Variants in PTPRN2 observed in about 807,000 individuals in gnomAD.
PTPRN2 encodes the protein receptor-type tyrosine-protein phosphatase N2.
A neutral mutation model predicts 118.8 loss-of-function variants in PTPRN2; 74 were observed. The observed-to-expected ratio is 0.62, with a 90% CI of 0.52 to 0.76. PTPRN2 has a LOEUF of 0.76. Ranked by LOEUF, PTPRN2 falls within the 30% of genes least tolerant of loss-of-function variation. The pLI is 0.00. For synonymous variants in PTPRN2, 641 were observed against 608.0 expected, an observed-to-expected ratio of 1.05 and a Z score of -0.80; for missense variants, 1,481 against 1,394.4, an observed-to-expected ratio of 1.06 and a Z score of -0.99.
intron 6 of PTPRN2, among the ~76,000 whole-genome samples, chr7:158,147,662 G>A (rs1820286228): frequency 1.7e-5 from 2 of 115,990 alleles, no homozygotes; most frequent in African/African-American, 6.8e-5. Context: ...CATGCCACGT[G>A]TCTTTCCCCC....
chr7:158,532,645 C>A (rs1477802141), intron 1 of PTPRN2: 3 of 485,658 alleles, frequency 6.2e-6, no homozygotes, highest in South Asian at 1.5e-5. Flanking sequence ...TTCAAAAACC[C>A]GGGACATGAT....
At chr7:158,289,780 G>T (rs771164720) in intron 3 of PTPRN2, among the ~76,000 whole-genome samples, 3 of 152,166 alleles carry the variant, frequency 2.0e-5, no homozygotes, top group African/African-American at 4.8e-5. Context: ...CACATTTTGG[G>T]AAGTAGGGAC....
intron 12 of PTPRN2, among the ~76,000 whole-genome samples, chr7:157,771,643 G>A (rs1802809911): frequency 6.6e-6 from 1 of 152,104 alleles, no homozygotes; most frequent in Non-Finnish European, 1.5e-5. Flanking sequence ...GCAAAGGGCA[G>A]TGCACACACA....
chr7:157,846,681 G>A lies in PTPRN2; in HGVS notation c.1788+51992C>T, dbSNP rs187798177. On this transcript the variant is annotated intron_variant, in intron 12 of 22. Transcript: ENST00000389418. Reference sequence around the variant, plus strand: ...TCTCGCTCCATCATGCGTGCCCGATGTCTACAGAGCCCTCTCTCACTCCAT... The same window carrying A: ...TCTCGCTCCATCATGCGTGCCCGATATCTACAGAGCCCTCTCTCACTCCAT... 1.6e-3 allele frequency among the ~76,000 whole-genome samples: 247 copies of A among 150,796 alleles called. 3 individuals are homozygous for A. Among genetic ancestry groups the A allele is most frequent in the African/African-American group, 5.6e-3 (230 of 40,914 alleles).
chr7:157,787,214 C>T lies in PTPRN2; in HGVS notation c.1789-104277G>A, dbSNP rs1256968681. On this transcript the variant is annotated intron_variant, in intron 12 of 22. Coordinates refer to ENST00000389418, the MANE Select transcript of PTPRN2 (RefSeq NM_002847.5). The surrounding 1 kb of genome is among the most constrained non-coding windows in gnomAD (Gnocchi z 5.3). Reference sequence around the variant, plus strand: ...GGGACTGGCTCTTCTGGAAGCAATTCGTGGGAAACCCACTTGGATGCCACT... The same window carrying T: ...GGGACTGGCTCTTCTGGAAGCAATTTGTGGGAAACCCACTTGGATGCCACT... 8.6e-5 allele frequency among the ~76,000 whole-genome samples: 13 copies of T among 151,808 alleles called. No individual in the cohort carries two copies. The highest frequency in any genetic ancestry group is 7.4e-5 in the Non-Finnish European group (5 of 67,758).
chr7:158,245,863 G>GC, intron 3 of PTPRN2, among the ~76,000 whole-genome samples: 4 of 152,022 alleles, frequency 2.6e-5, no homozygotes, highest in Admixed American at 2.6e-4. Flanking sequence ...TCCCTATGCT[G>GC]ACTCACAGGC....
chr7:157,542,753 G>C (rs1480977138), intron 22 of PTPRN2, among the ~76,000 whole-genome samples: 1 of 152,184 alleles, frequency 6.6e-6, no homozygotes, highest in Non-Finnish European at 1.5e-5. Context: ...GCACTGTTTA[G>C]CTCAAAGGAG....
intron 14 of PTPRN2, among the ~76,000 whole-genome samples, chr7:157,654,931 G>A (rs984364061): frequency 6.6e-6 from 1 of 152,188 alleles, no homozygotes; most frequent in East Asian, 1.9e-4. Flanking sequence ...TCACAAATAT[G>A]AACTCCTGGT....
intron 12 of PTPRN2, among the ~76,000 whole-genome samples, chr7:157,694,769 C>CTT (rs71303916): frequency 1.3e-4 from 19 of 147,102 alleles, no homozygotes; most frequent in Non-Finnish European, 2.7e-4. Context: ...TTTCTTTTTT[C>CTT]TTTTTTTTTT....
chr7:158,071,456 T>TGCTCGTGGTGGAGGTGCTCCTGGTGGTG (rs1585337803), intron 11 of PTPRN2, among the ~76,000 whole-genome samples: 1 of 20,184 alleles, frequency 5.0e-5, no homozygotes, highest in African/African-American at 1.6e-4. Flanking sequence ...TGCTCGTGGT[T>TGCTCGTGGTGGAGGTGCTCCTGGTGGTG]GAGGTGCTCG....
intron 22 of PTPRN2, among the ~76,000 whole-genome samples, chr7:157,547,333 A>G (rs1195356245): frequency 6.6e-6 from 1 of 152,096 alleles, no homozygotes; most frequent in Non-Finnish European, 1.5e-5. Flanking sequence ...AGCCTTGACA[A>G]GGCCACCTCT....
At chr7:158,131,068 C>T (rs566560211) in intron 9 of PTPRN2, among the ~76,000 whole-genome samples, 2,868 of 88,746 alleles carry the variant, frequency 0.032, 87 homozygotes, top group African/African-American at 0.13. Flanking sequence ...CTGCCCAACA[C>T]ACACACTTAT....
chr7:157,725,539 G>A (rs922777868), intron 12 of PTPRN2, among the ~76,000 whole-genome samples: 24 of 123,464 alleles, frequency 1.9e-4, no homozygotes, highest in African/African-American at 7.5e-4. Context: ...TCACCTCCCA[G>A]GAGAACTGGA....
chr7:158,325,911 C>T (rs539404383), intron 2 of PTPRN2, among the ~76,000 whole-genome samples: 1 of 152,338 alleles, frequency 6.6e-6, no homozygotes, highest in East Asian at 1.9e-4. Context: ...CCTGCCCAGA[C>T]AAAAGGAACG....
At chr7:157,589,005 C>T (rs959111061) in intron 17 of PTPRN2, among the ~76,000 whole-genome samples, 22 of 152,258 alleles carry the variant, frequency 1.4e-4, no homozygotes, top group Admixed American at 5.2e-4. Flanking sequence ...CACAGTGCAG[C>T]GGCAGTAAGG....
At chr7:157,564,822 T>C (rs1563217326) in intron 21 of PTPRN2, among the ~76,000 whole-genome samples, 1 of 152,328 alleles carries the variant, frequency 6.6e-6, no homozygotes, top group East Asian at 1.9e-4. Context: ...CCCAGGGACA[T>C]ATCCAGGGAT....
intron 12 of PTPRN2, among the ~76,000 whole-genome samples, chr7:157,830,700 C>G (rs1259709635): frequency 2.6e-5 from 4 of 152,220 alleles, no homozygotes; most frequent in Non-Finnish European, 4.4e-5. Context: ...CCTGGTTTCT[C>G]TAACAATTGC....
At chr7:158,327,692 T>C (rs1375568225) in intron 2 of PTPRN2, among the ~76,000 whole-genome samples, 1 of 152,226 alleles carries the variant, frequency 6.6e-6, no homozygotes, top group Non-Finnish European at 1.5e-5. Flanking sequence ...CTTTCATTCT[T>C]TCCTGCCTCC....
chr7:157,657,472 A>G (rs868830058), intron 13 of PTPRN2, among the ~76,000 whole-genome samples: 6 of 35,714 alleles, frequency 1.7e-4, no homozygotes, highest in African/African-American at 4.1e-4. Context: ...ACACACATAC[A>G]CCACACACAC....
Sources: allele counts gnomAD v4.1 joint callset (sites outside exome capture counted in the v4.1 genomes callset), GRCh38; gene constraint gnomAD v4.1.1; non-coding constraint Gnocchi (gnomAD v3.1); transcripts MANE v1.5; gene names NCBI Gene and HGNC (gene_info 2026-07-23, HGNC 2026-07-21).